ADK: variants seen among roughly 807,000 people sequenced by gnomAD.
The protein encoded by ADK is N6,N6-dimethyladenosine kinase.
In ADK, 24 loss-of-function variants were observed where a neutral mutation model predicts 44.7. That is an observed-to-expected ratio of 0.54 (90% CI 0.39 to 0.76). The LOEUF (loss-of-function observed/expected upper bound fraction) is 0.76. Among genes scored for constraint, ADK ranks in the 30% least tolerant of loss-of-function variants. The pLI is 0.00. For synonymous variants in ADK, 128 were observed against 142.6 expected (o/e 0.90, Z 0.73); for missense variants, 321 against 425.1 (o/e 0.76, Z 2.15).
chr10:74,354,045 G>A (rs978383718), intron 4 of ADK, among the ~76,000 whole-genome samples: 1 of 152,128 alleles, frequency 6.6e-6, no homozygotes, highest in East Asian at 1.9e-4. Context: ...ATTTAAAACA[G>A]CATTTAAAAA....
intron 4 of ADK, among the ~76,000 whole-genome samples, chr10:74,342,413 T>C (rs1038702934): frequency 2.6e-5 from 4 of 152,182 alleles, no homozygotes; most frequent in Non-Finnish European, 4.4e-5. Context: ...GGAATTCTTT[T>C]CTTAATTTTA....
intron 4 of ADK, among the ~76,000 whole-genome samples, chr10:74,323,840 G>A (rs931701812): frequency 6.6e-6 from 1 of 152,182 alleles, no homozygotes; most frequent in South Asian, 2.1e-4. Context: ...AAAGTGCTGG[G>A]ATTACAGGTG....
intron 7 of ADK, among the ~76,000 whole-genome samples, chr10:74,544,355 C>G (rs1463910495): frequency 6.6e-6 from 1 of 152,158 alleles, no homozygotes; most frequent in Non-Finnish European, 1.5e-5. Flanking sequence ...GCACTTTTAA[C>G]AATCAGGAAA....
intron 3 of ADK, among the ~76,000 whole-genome samples, chr10:74,307,201 T>C (rs1241037007): frequency 6.6e-6 from 1 of 152,246 alleles, no homozygotes; most frequent in Non-Finnish European, 1.5e-5. Flanking sequence ...GCTCTTTTCT[T>C]GTTCTGTCTT....
intron 7 of ADK, among the ~76,000 whole-genome samples, chr10:74,571,946 A>C (rs1224271572): frequency 1.3e-5 from 2 of 151,506 alleles, no homozygotes; most frequent in African/African-American, 4.9e-5. Flanking sequence ...ATGGGTCTTG[A>C]CTCTTTATCC....
At chr10:74,413,599 G>A (rs1467365254) in intron 6 of ADK, among the ~76,000 whole-genome samples, 1 of 152,232 alleles carries the variant, frequency 6.6e-6, no homozygotes, top group Non-Finnish European at 1.5e-5. Flanking sequence ...AGAATGCTAT[G>A]CTGGTTTGAT....
intron 8 of ADK, 93 bp from the exon 9 acceptor site, chr10:74,600,286 T>C: frequency 2.5e-6 from 2 of 794,112 alleles, no homozygotes; most frequent in Non-Finnish European, 4.2e-6. Context: ...AGGTCTCTTA[T>C]TTTGATCAAT....
chr10:74,351,683 C>T (rs567528549), intron 4 of ADK, among the ~76,000 whole-genome samples: 1 of 152,210 alleles, frequency 6.6e-6, no homozygotes, highest in South Asian at 2.1e-4. Flanking sequence ...CGTCTCAGCC[C>T]AAAACCTCCT....
intron 7 of ADK, among the ~76,000 whole-genome samples, chr10:74,538,501 G>T (rs1849528976): frequency 6.6e-6 from 1 of 152,154 alleles, no homozygotes; most frequent in Admixed American, 6.5e-5. Flanking sequence ...AAATTCTGCA[G>T]TTTGTTGTGG....
intron 3 of ADK, among the ~76,000 whole-genome samples, chr10:74,253,986 C>T (rs1405816974): frequency 1.3e-5 from 2 of 151,998 alleles, no homozygotes; most frequent in East Asian, 1.9e-4. Flanking sequence ...GGGCTGGTCA[C>T]GAACTGCTGA....
intron 9 of ADK, among the ~76,000 whole-genome samples, chr10:74,613,918 T>G (rs1203624648): frequency 6.6e-6 from 1 of 152,110 alleles, no homozygotes; most frequent in Non-Finnish European, 1.5e-5. Context: ...TAGAATAAAC[T>G]AAGTGGCATT....
chr10:74,357,581 A>G (rs1396088169), intron 4 of ADK, among the ~76,000 whole-genome samples: 1 of 151,712 alleles, frequency 6.6e-6, no homozygotes, highest in Non-Finnish European at 1.5e-5. Context: ...GGTTACGGGC[A>G]TAAGCCACCA....
chr10:74,488,434 A>G (rs1453508541), intron 6 of ADK, among the ~76,000 whole-genome samples: 1 of 150,948 alleles, frequency 6.6e-6, no homozygotes, highest in Non-Finnish European at 1.5e-5. Context: ...TGATACATAT[A>G]CGTAAATAGC....
chr10:74,326,791 A>G (rs1048518402), intron 4 of ADK, among the ~76,000 whole-genome samples: 21 of 152,034 alleles, frequency 1.4e-4, no homozygotes, highest in Non-Finnish European at 2.6e-4. Context: ...ATATATTCAG[A>G]AACTTATTTC....
intron 3 of ADK, among the ~76,000 whole-genome samples, chr10:74,230,839 G>A (rs1031293582): frequency 1.7e-4 from 26 of 151,900 alleles, no homozygotes; most frequent in African/African-American, 5.8e-4. Flanking sequence ...CTGCCACCAC[G>A]TCTGGCTAAT....
chr10:74,233,220 G>A (rs1844843549), intron 3 of ADK, among the ~76,000 whole-genome samples: 3 of 152,040 alleles, frequency 2.0e-5, no homozygotes, highest in African/African-American at 7.2e-5. Context: ...GAAAAACTGG[G>A]GATATTAAGG....
chr10:74,566,643 T>C (rs919222785), intron 7 of ADK, among the ~76,000 whole-genome samples: 9 of 152,250 alleles, frequency 5.9e-5, no homozygotes, highest in Non-Finnish European at 1.2e-4. Flanking sequence ...TAGCAGTAGT[T>C]TGAACTTCAA....
intron 10 of ADK, among the ~76,000 whole-genome samples, chr10:74,707,637 C>A (rs7897539): frequency 0.1 from 15,499 of 151,334 alleles, 1,303 homozygotes; most frequent in African/African-American, 0.22. Context: ...ATGGAAGGCA[C>A]CTGTAATCCC....
intron 8 of ADK, among the ~76,000 whole-genome samples, chr10:74,592,063 G>A (rs1266661612): frequency 3.3e-5 from 5 of 151,812 alleles, no homozygotes; most frequent in South Asian, 2.1e-4. Flanking sequence ...AACTGAATTC[G>A]GCAGTTTTCA....
Sources: allele counts gnomAD v4.1 joint callset (sites outside exome capture counted in the v4.1 genomes callset), GRCh38; gene constraint gnomAD v4.1.1; transcripts MANE v1.5; gene names NCBI Gene and HGNC (gene_info 2026-07-23, HGNC 2026-07-21).